The following UNC93A variants were observed in gnomAD, a reference collection of about 807,000 sequenced individuals.
UNC93A encodes the protein unc-93 homolog A.
In UNC93A, 43 loss-of-function variants were observed where a neutral mutation model predicts 47.5. The observed-to-expected ratio is 0.91, with a 90% CI of 0.71 to 1.17. The LOEUF (loss-of-function observed/expected upper bound fraction) is 1.17. Ranked by LOEUF, UNC93A falls within the 50% of genes most tolerant of loss-of-function variation. The pLI is 0.00. For missense variants in UNC93A, 605 were observed against 577.6 expected (o/e 1.05, Z -0.49); for synonymous variants, 280 against 258.0 (o/e 1.09, Z -0.82).
At chr6:167,307,094 A>C (rs903498075) in intron 6 of UNC93A, among the ~76,000 whole-genome samples, 2 of 152,128 alleles carry the variant, frequency 1.3e-5, no homozygotes, top group East Asian at 3.9e-4. Context: ...GGCTACTCGG[A>C]AAGGTGCTGG....
At chr6:167,285,977 T>TACACAC (rs1424447723) in intron 1 of UNC93A, among the ~76,000 whole-genome samples, 1 of 146,968 alleles carries the variant, frequency 6.8e-6, no homozygotes, top group East Asian at 2.1e-4. Context: ...TATATATATA[T>TACACAC]ATACACACAC....
intron 3 of UNC93A, among the ~76,000 whole-genome samples, chr6:167,297,135 G>A (rs1778111157): frequency 6.6e-6 from 1 of 152,194 alleles, no homozygotes; most frequent in South Asian, 2.1e-4. Flanking sequence ...TTACAGCTCA[G>A]TCTGCATATC....
chr6:167,286,749 G>A (rs1271989277), upstream of UNC93A, among the ~76,000 whole-genome samples: 6 of 152,102 alleles, frequency 3.9e-5, no homozygotes, highest in East Asian at 9.7e-4. Flanking sequence ...AGGCCGAGGC[G>A]GGCGGATTGC....
chr6:167,296,750 C>G (rs1778099155), intron 3 of UNC93A, among the ~76,000 whole-genome samples: 1 of 152,186 alleles, frequency 6.6e-6, no homozygotes, highest in South Asian at 2.1e-4. Context: ...CCCGACCTTG[C>G]CCTGGTATAA....
chr6:167,283,320 C>T (rs191484026), intron 1 of UNC93A, among the ~76,000 whole-genome samples: 4 of 152,262 alleles, frequency 2.6e-5, no homozygotes, highest in African/African-American at 7.2e-5. Context: ...TCTGTTTTGT[C>T]ATGCTTAAGA....
At chr6:167,291,292 TG>T (rs1232461103), upstream of UNC93A, 1 of 470,724 alleles carries the variant, frequency 2.1e-6, no homozygotes, top group Non-Finnish European at 3.7e-6. Flanking sequence ...GTATGCTTCA[TG>T]GGGTCAGTGA....
chr6:167,276,506 A>C (rs1783545584), intron 1 of UNC93A, among the ~76,000 whole-genome samples: 1 of 152,154 alleles, frequency 6.6e-6, no homozygotes, highest in African/African-American at 2.4e-5. Flanking sequence ...CAATAGTATT[A>C]TTCTTCCCAC....
At chr6:167,301,733 A>T (rs1189366122) in intron 4 of UNC93A, among the ~76,000 whole-genome samples, 1 of 152,146 alleles carries the variant, frequency 6.6e-6, no homozygotes, top group African/African-American at 2.4e-5. Context: ...GGGCTGCTTG[A>T]CACTGAAGTC....
upstream of UNC93A, among the ~76,000 whole-genome samples, chr6:167,269,524 A>G (rs538077456): frequency 1.3e-5 from 2 of 152,238 alleles, no homozygotes; most frequent in Non-Finnish European, 2.9e-5. Context: ...AAGGAACCCA[A>G]TGAAAAGAAG....
chr6:167,285,956 CTCTCTA>C (rs1331914274), intron 1 of UNC93A, among the ~76,000 whole-genome samples: 9 of 141,112 alleles, frequency 6.4e-5, no homozygotes, highest in African/African-American at 1.0e-4. Context: ...CTCTCTCTCT[CTCTCTA>C]TATATATATA....
intron 1 of UNC93A, among the ~76,000 whole-genome samples, chr6:167,285,666 T>C (rs1033467317): frequency 6.6e-6 from 1 of 151,346 alleles, no homozygotes; most frequent in African/African-American, 2.4e-5. Flanking sequence ...TATAACCCAC[T>C]GGGGTGGGGG....
intron 1 of UNC93A, among the ~76,000 whole-genome samples, chr6:167,282,386 G>C (rs757399007): frequency 2.8e-4 from 42 of 152,186 alleles, no homozygotes; most frequent in Non-Finnish European, 4.1e-4. Flanking sequence ...GCCCCACCAA[G>C]GTCTGTGGGG....
chr6:167,283,314 T>C (rs1011005670), intron 1 of UNC93A, among the ~76,000 whole-genome samples: 12 of 152,284 alleles, frequency 7.9e-5, no homozygotes, highest in Non-Finnish European at 1.6e-4. Context: ...AAAGAGTCTG[T>C]TTTGTCATGC....
rs768241514 is a variant in UNC93A, at chr6:167,306,032, GCT to G, written c.959_960del (p.Ala320GlyfsTer25). 5.6e-6 allele frequency: 9 copies of G among 1,614,188 alleles called. No homozygotes were observed. The highest frequency in any genetic ancestry group is 7.6e-6 in the Non-Finnish European group (9 of 1,180,042). ...YGKVSQYTGRAVLYVLGAVTH... is the reference protein window; with the variant it reads ...YGKVSQYTGRXVLYVLGAVTH... The stretch of plus-strand genomic sequence containing the variant: ...AAAGGTCTCGCAGTACACGGGCAGG[GCT>G]GTGCTGTACGTGCTGGGTAGGTATC... On this transcript the variant is annotated frameshift_variant, in exon 6 of 8. Transcript: ENST00000230256. LOFTEE classifies it high-confidence loss of function.
At chr6:167,284,127 G>A (rs1783680388) in intron 1 of UNC93A, among the ~76,000 whole-genome samples, 1 of 152,080 alleles carries the variant, frequency 6.6e-6, no homozygotes, top group Non-Finnish European at 1.5e-5. Flanking sequence ...TCTGGGCCTG[G>A]GGCAGCCCCA....
intron 1 of UNC93A, among the ~76,000 whole-genome samples, chr6:167,283,480 A>G (rs1783668137): frequency 6.6e-6 from 1 of 152,166 alleles, no homozygotes; most frequent in African/African-American, 2.4e-5. Flanking sequence ...AGAGGGGTCC[A>G]TTCAGTCCGT....
rs3046657 is a variant in UNC93A, at chr6:167,299,202, G to GTATA, written c.625+1148_625+1151dup. On this transcript the variant is annotated intron_variant, in intron 4 of 7. Coordinates refer to ENST00000230256, the MANE Select transcript of UNC93A (RefSeq NM_018974.4). Reference sequence around the variant, plus strand: ...CATATACACGTATATATTTCTATATGTATATATATATATATATATTCTTTG... The same window carrying GTATA: ...CATATACACGTATATATTTCTATATGTATATATATATATATATATATATTCTTTG... Among the ~76,000 whole-genome samples, 319 of 147,422 alleles carry GTATA rather than the reference G, an allele frequency of 2.2e-3. 5 individuals carry two copies. The highest frequency in any genetic ancestry group is 7.2e-3 in the African/African-American group (291 of 40,272).
At chr6:167,293,053 C>G (rs780090426) in intron 1 of UNC93A, among the ~76,000 whole-genome samples, 1 of 152,162 alleles carries the variant, frequency 6.6e-6, no homozygotes, top group East Asian at 1.9e-4. Flanking sequence ...GCCAGGGGTC[C>G]CTCCTCTCAG....
At chr6:167,283,227 CG>C (rs1465008608) in intron 1 of UNC93A, among the ~76,000 whole-genome samples, 1 of 151,982 alleles carries the variant, frequency 6.6e-6, no homozygotes, top group Non-Finnish European at 1.5e-5. Context: ...TAAAATATTT[CG>C]ATTTCTTTCA....
Sources: gnomAD v4.1 joint callset for allele counts (sites outside exome capture counted in the v4.1 genomes callset) on GRCh38, gnomAD v4.1.1 for gene constraint, MANE v1.5 for transcripts, NCBI Gene and HGNC (gene_info 2026-07-23, HGNC 2026-07-21) for gene names.